ITGBL1: variants seen among roughly 807,000 people sequenced by gnomAD.
ITGBL1 encodes the protein integrin subunit beta like 1, also known as integrin beta-like protein 1.
In ITGBL1, 51 loss-of-function variants were observed where a neutral mutation model predicts 68.5. The ratio of observed to expected loss-of-function variants is 0.74; its 90% CI spans 0.59 to 0.94. ITGBL1 has a LOEUF of 0.94. ITGBL1 is among the 40% of genes least tolerant of loss of function. The pLI, the probability that ITGBL1 is intolerant of heterozygous loss-of-function variation, is 0.00. For synonymous variants in ITGBL1, 209 were observed against 227.3 expected (o/e 0.92, Z 0.72); for missense variants, 649 against 647.4 (o/e 1.00, Z -0.03).
intron 7 of ITGBL1, among the ~76,000 whole-genome samples, chr13:101,605,052 G>GTATATGTGTATATGTGTATATACA (rs1594923030): frequency 1.7e-5 from 2 of 118,744 alleles, no homozygotes; most frequent in East Asian, 6.1e-4. Context: ...GCATATATGT[G>GTATATGTGTATATGTGTATATACA]TATATGTGTA....
At chr13:101,719,328 A>G (rs1367353904), downstream of ITGBL1, 1 of 152,098 alleles carries the variant, frequency 6.6e-6, no homozygotes, top group Non-Finnish European at 1.5e-5. Flanking sequence ...GCTCCCCAAG[A>G]GGCAAACTAT....
At chr13:101,560,077 A>G (rs1193372597) in intron 2 of ITGBL1, among the ~76,000 whole-genome samples, 1 of 152,162 alleles carries the variant, frequency 6.6e-6, no homozygotes, top group Non-Finnish European at 1.5e-5. Context: ...GCCCTGTCTT[A>G]AAAATGGTGA....
At chr13:101,523,313 C>T (rs1044374052) in intron 2 of ITGBL1, among the ~76,000 whole-genome samples, 2 of 152,160 alleles carry the variant, frequency 1.3e-5, no homozygotes, top group Non-Finnish European at 2.9e-5. Flanking sequence ...TTTCATTTTT[C>T]CCATGACTTC....
intron 7 of ITGBL1, among the ~76,000 whole-genome samples, chr13:101,656,438 C>A (rs1352465462): frequency 6.6e-6 from 1 of 152,108 alleles, no homozygotes; most frequent in Non-Finnish European, 1.5e-5. Flanking sequence ...GATTTTCTTC[C>A]TTGTTTTGTA....
intron 7 of ITGBL1, among the ~76,000 whole-genome samples, chr13:101,663,121 T>G (rs1018416291): frequency 6.6e-6 from 1 of 152,170 alleles, no homozygotes; most frequent in African/African-American, 2.4e-5. Flanking sequence ...AGATAACAAT[T>G]TTAATATTTA....
chr13:101,458,083 T>C (rs1002948091), intron 2 of ITGBL1, among the ~76,000 whole-genome samples: 22 of 152,188 alleles, frequency 1.4e-4, no homozygotes, highest in African/African-American at 4.8e-4. Flanking sequence ...CTCTGTCCTG[T>C]TGAAGGGAGT....
At chr13:101,629,454 T>C (rs2031902574) in intron 7 of ITGBL1, among the ~76,000 whole-genome samples, 1 of 152,128 alleles carries the variant, frequency 6.6e-6, no homozygotes, top group African/African-American at 2.4e-5. Context: ...TATATATTTT[T>C]ATTTATCCTA....
chr13:101,630,796 T>C (rs1196856297), intron 7 of ITGBL1, among the ~76,000 whole-genome samples: 1 of 152,212 alleles, frequency 6.6e-6, no homozygotes, highest in East Asian at 1.9e-4. Flanking sequence ...TTTGTTGTTA[T>C]CTCTTTCTTA....
chr13:101,547,381 T>G (rs757039372), intron 2 of ITGBL1, among the ~76,000 whole-genome samples: 1 of 151,990 alleles, frequency 6.6e-6, no homozygotes, highest in South Asian at 2.1e-4. Context: ...TAAGAATTGA[T>G]ATTTAATGAC....
chr13:101,509,408 T>G (rs2049079335), intron 2 of ITGBL1, among the ~76,000 whole-genome samples: 1 of 152,138 alleles, frequency 6.6e-6, no homozygotes, highest in Non-Finnish European at 1.5e-5. Context: ...TATCTGTTTA[T>G]TCTTATACCA....
intron 7 of ITGBL1, among the ~76,000 whole-genome samples, chr13:101,660,514 C>T (rs1290644807): frequency 1.3e-5 from 2 of 152,142 alleles, no homozygotes; most frequent in African/African-American, 2.4e-5. Context: ...GCAAATCTTA[C>T]GACCTCTGGA....
At chr13:101,508,070 C>T (rs1301772481) in intron 2 of ITGBL1, among the ~76,000 whole-genome samples, 1 of 152,132 alleles carries the variant, frequency 6.6e-6, no homozygotes, top group Non-Finnish European at 1.5e-5. Context: ...TGCTCACTGA[C>T]TCACAGCTTA....
At chr13:101,677,068 G>A (rs2033521791) in intron 7 of ITGBL1, among the ~76,000 whole-genome samples, 1 of 152,114 alleles carries the variant, frequency 6.6e-6, no homozygotes, top group African/African-American at 2.4e-5. Context: ...AGGTTGCAAT[G>A]GGCTGAGATC....
chr13:101,557,868 A>G (rs1194090173), intron 2 of ITGBL1, among the ~76,000 whole-genome samples: 1 of 152,000 alleles, frequency 6.6e-6, no homozygotes, highest in Non-Finnish European at 1.5e-5. Flanking sequence ...AGGTGGGCGG[A>G]TCATGAGGTC....
At chr13:101,695,904 A>G (rs1053151455) in intron 8 of ITGBL1, among the ~76,000 whole-genome samples, 1 of 152,188 alleles carries the variant, frequency 6.6e-6, no homozygotes, top group African/African-American at 2.4e-5. Context: ...TAAGCAGCTG[A>G]TGGGAACCTC....
At chr13:101,718,960 G>T (rs1334245940), downstream of ITGBL1, 1 of 151,794 alleles carries the variant, frequency 6.6e-6, no homozygotes, top group East Asian at 1.9e-4. Flanking sequence ...CCTGGATTTT[G>T]ATATGCCTGC....
chr13:101,633,473 C>T (rs942833701), intron 7 of ITGBL1, among the ~76,000 whole-genome samples: 15 of 152,134 alleles, frequency 9.9e-5, no homozygotes, highest in Non-Finnish European at 1.6e-4. Context: ...CCCAGTTCTT[C>T]CATCCATGCA....
Position 101,452,873 on chromosome 13 carries a change from T to C in ITGBL1, c.40T>C (p.Ser14Pro). The change falls in exon 1 of 11, where the codon TCC becomes CCC. Residue 14 changes from serine (S) to proline (P), a missense_variant. Physicochemically the swap from Ser to Pro is moderately conservative, Grantham distance 74. Coordinates refer to ENST00000376180, the MANE Select transcript of ITGBL1 (RefSeq NM_004791.3). ...PGFRNFLLLA[S>P]SLLFAGLSAV... ...CTTCAGGAACTTCTTGCTGCTGGCG[T>C]CCTCCCTTCTCTTTGCTGGGTTGTC... The C allele has an allele frequency of 6.2e-7, 1 of 1,614,174 alleles. No individual in the cohort carries two copies. Among genetic ancestry groups the C allele is most frequent in the Non-Finnish European group, 8.5e-7 (1 of 1,180,022 alleles).
intron 7 of ITGBL1, among the ~76,000 whole-genome samples, chr13:101,650,501 G>A (rs951460920): frequency 3.3e-5 from 5 of 151,696 alleles, no homozygotes; most frequent in East Asian, 1.9e-4. Flanking sequence ...CTTTTCTTTA[G>A]CATTTGTCCA....
Sources: allele counts gnomAD v4.1 joint callset (sites outside exome capture counted in the v4.1 genomes callset), GRCh38; gene constraint gnomAD v4.1.1; transcripts MANE v1.5; gene names NCBI Gene and HGNC (gene_info 2026-07-23, HGNC 2026-07-21).